Variants in CDC16 observed in about 807,000 individuals in gnomAD.
CDC16 encodes cell division cycle 16.
CDC16 carries 34 observed loss-of-function variants against 87.0 expected under a neutral mutation model. That is an observed-to-expected ratio of 0.39 (90% CI 0.30 to 0.52). CDC16 has a LOEUF of 0.52. Ranked by LOEUF, CDC16 falls within the 20% of genes least tolerant of loss-of-function variation. CDC16 has a pLI of 0.74. For synonymous variants in CDC16, 263 were observed against 260.6 expected, an observed-to-expected ratio of 1.01 and a Z score of -0.09; for missense variants, 653 against 751.9, an observed-to-expected ratio of 0.87 and a Z score of 1.54.
intron 12 of CDC16, 113 bp downstream of exon 12, chr13:114,250,787 C>T (rs2082130025): frequency 9.6e-7 from 1 of 1,043,102 alleles, no homozygotes; most frequent in Non-Finnish European, 1.4e-6. Context: ...AAACATTTTA[C>T]TTGCCTTTTA....
At chr13:114,258,509 C>A (rs1026557485) in intron 13 of CDC16, among the ~76,000 whole-genome samples, 3 of 152,168 alleles carry the variant, frequency 2.0e-5, no homozygotes, top group Non-Finnish European at 2.9e-5. Flanking sequence ...TAGTGAAATG[C>A]TATCTAGTGT....
chr13:114,253,174 A>G (rs1261398837), intron 12 of CDC16, among the ~76,000 whole-genome samples: 2 of 152,118 alleles, frequency 1.3e-5, no homozygotes, highest in Admixed American at 1.3e-4. Flanking sequence ...GCAGCTCTGC[A>G]TTTTCTTAAC....
At chr13:114,265,637 ATGT>A (rs1421857828) in intron 17 of CDC16, among the ~76,000 whole-genome samples, 2 of 152,330 alleles carry the variant, frequency 1.3e-5, no homozygotes, top group East Asian at 3.9e-4. Context: ...TTTCAATAGA[ATGT>A]TGAGATGCCA....
chr13:114,247,510 C>T (rs2138956183), intron 11 of CDC16, among the ~76,000 whole-genome samples: 1 of 151,420 alleles, frequency 6.6e-6, no homozygotes, highest in East Asian at 1.9e-4. Flanking sequence ...TATAAGATGC[C>T]ATGGGGAGAG....
At chr13:114,245,923 G>T in intron 9 of CDC16, 77 bp from the exon 10 acceptor site, 1 of 761,418 alleles carries the variant, frequency 1.3e-6, no homozygotes, top group South Asian at 1.6e-5. Flanking sequence ...ATATGATTGT[G>T]AAGAGTTGTA....
chr13:114,266,984 C>T (rs2083268101), intron 17 of CDC16, among the ~76,000 whole-genome samples: 2 of 152,070 alleles, frequency 1.3e-5, no homozygotes, highest in Non-Finnish European at 2.9e-5. Flanking sequence ...GCGTGAGCCA[C>T]CATGTCTGGC....
chr13:114,259,225 C>T (rs929108593), intron 13 of CDC16, 110 bp from the exon 14 acceptor site: 18 of 582,566 alleles, frequency 3.1e-5, no homozygotes, highest in East Asian at 2.6e-4. Context: ...TTATTTCCAG[C>T]AGTTTACCCC....
Position 114,243,273 on chromosome 13 carries a change from A to C in CDC16, c.558A>C (p.Glu186Asp), listed in dbSNP as rs1471753204. ...LTAQEEKELL[E>D]SLPLSKLCNE... ...ATTTTTAAGAAAAAGAACTTCTTGA[A>C]TCACTACCCCTTAGCAAGCTGTGTA... Residue 186 changes from glutamate to aspartate, a missense_variant, in exon 7 of 18, where the codon GAA (glutamate) becomes GAC (aspartate). By Grantham distance (45) the Glu-to-Asp change is conservative. Coordinates refer to ENST00000356221, the MANE Select transcript of CDC16 (RefSeq NM_001078645.3). 2 of 1,535,804 alleles carry C rather than the reference A, an allele frequency of 1.3e-6. No individual in the cohort carries two copies. The highest frequency in any genetic ancestry group is 1.1e-5 in the South Asian group (1 of 88,628).
chr13:114,270,914 C>CTTTTTTTTTT (rs571053869), intron 17 of CDC16, among the ~76,000 whole-genome samples: 3 of 101,138 alleles, frequency 3.0e-5, no homozygotes, highest in East Asian at 3.2e-4. Flanking sequence ...AGAGATTTAC[C>CTTTTTTTTTT]TTTTTTTTTT....
rs17337982 is a variant in CDC16 at position 114,245,671 on chromosome 13, G to T, written c.848-329G>T. 9.7e-3 allele frequency: 2,185 copies of T among 224,980 alleles called. 118 individuals are homozygous for T. The highest frequency in any genetic ancestry group is 0.083 in the Admixed American group (1,405 of 16,936). The allele number at this position is 224,980 out of a possible 1,614,324, so 13.9% of individuals were successfully genotyped here. On this transcript the variant is annotated intron_variant, in intron 9 of 17. Coordinates refer to ENST00000356221, the MANE Select transcript of CDC16 (RefSeq NM_001078645.3). ...TCTGATAAACTTGAAAGTTTGTTCA[G>T]CCAAATTGGTTGTGGGTGATTATGA...
At chr13:114,253,913 G>T (rs1016385184) in intron 12 of CDC16, among the ~76,000 whole-genome samples, 1 of 152,022 alleles carries the variant, frequency 6.6e-6, no homozygotes, top group African/African-American at 2.4e-5. Context: ...AGATTTTATT[G>T]TTGAATTGTG....
At chr13:114,242,346 C>G (rs1224881673) in intron 6 of CDC16, 66 bp downstream of exon 6, 1 of 1,450,712 alleles carries the variant, frequency 6.9e-7, no homozygotes, top group Admixed American at 1.9e-5. Flanking sequence ...TTTTTTGCCT[C>G]TGAAATCTTC....
chr13:114,261,795 C>T (rs537012156), intron 14 of CDC16, 92 bp from the exon 15 acceptor site: 5 of 827,994 alleles, frequency 6.0e-6, no homozygotes, highest in Non-Finnish European at 9.6e-6. Flanking sequence ...GGGAGAGAGC[C>T]CAGCTTGCAA....
intron 17 of CDC16, among the ~76,000 whole-genome samples, chr13:114,266,717 G>A (rs191955127): frequency 8.5e-4 from 128 of 150,268 alleles, no homozygotes; most frequent in African/African-American, 3.0e-3. Flanking sequence ...TTTTTGAGAC[G>A]GAGTCTCGCT....
At position 114,272,216 on chromosome 13, in the gene CDC16, G is replaced by T; in HGVS notation, c.1636G>T (p.Asp546Tyr). 3 of 1,573,916 alleles carry T rather than the reference G, an allele frequency of 1.9e-6. No individual in the cohort carries two copies. Among genetic ancestry groups the T allele is most frequent in the South Asian group, 2.3e-5 (2 of 86,804 alleles). ...CATTAAAGACAAATTAAAATGTTAT[G>T]ACTTTGATGTGCATACAATGAAGAC... ...ADIKDKLKCY[D>Y]FDVHTMKTLK... The change falls in exon 18 of 18, where the codon GAC (aspartate) becomes TAC (tyrosine). Residue 546 changes from aspartate to tyrosine, a missense_variant. Asp to Tyr is a radical substitution (Grantham distance 160, BLOSUM62 -3). Transcript: ENST00000356221.
intron 11 of CDC16, among the ~76,000 whole-genome samples, chr13:114,247,501 A>G (rs9525310): frequency 1.4e-3 from 216 of 151,966 alleles, no homozygotes; most frequent in Non-Finnish European, 2.4e-3. Context: ...TTTGTTCTTT[A>G]TAAGATGCCA....
intron 12 of CDC16, among the ~76,000 whole-genome samples, chr13:114,253,552 T>G (rs1320483784): frequency 6.6e-6 from 1 of 151,954 alleles, no homozygotes; most frequent in Non-Finnish European, 1.5e-5. Flanking sequence ...TAGCCGGGTG[T>G]GGTGGCTCAC....
intron 12 of CDC16, among the ~76,000 whole-genome samples, chr13:114,252,826 A>G (rs1594616505): frequency 6.6e-6 from 1 of 152,198 alleles, no homozygotes; most frequent in Non-Finnish European, 1.5e-5. Context: ...AAATCTAACA[A>G]ACTTTGTCAT....
At chr13:114,245,205 A>G (rs181527932) in intron 9 of CDC16, among the ~76,000 whole-genome samples, 1 of 152,118 alleles carries the variant, frequency 6.6e-6, no homozygotes, top group Non-Finnish European at 1.5e-5. Context: ...CCTTTTCTCA[A>G]ATATCATTTA....
Sources: allele counts gnomAD v4.1 joint callset (sites outside exome capture counted in the v4.1 genomes callset), GRCh38; gene constraint gnomAD v4.1.1; transcripts MANE v1.5; gene names NCBI Gene and HGNC (gene_info 2026-07-23, HGNC 2026-07-21).